Variants in FAM184A observed in about 807,000 individuals in gnomAD.
FAM184A encodes the protein family with sequence similarity 184 member A, also known as protein FAM184A.
In FAM184A, 99 loss-of-function variants were observed where a neutral mutation model predicts 143.8. The observed-to-expected ratio is 0.69, with a 90% CI of 0.58 to 0.81. The LOEUF (loss-of-function observed/expected upper bound fraction) is 0.81. Ranked by LOEUF, FAM184A falls within the 40% of genes least tolerant of loss-of-function variation. FAM184A has a pLI of 0.00. For synonymous variants in FAM184A, 427 were observed against 446.4 expected, an observed-to-expected ratio of 0.96 and a Z score of 0.55; for missense variants, 1,217 against 1,310.5, an observed-to-expected ratio of 0.93 and a Z score of 1.10.
rs1367369054 is a variant in FAM184A at position 119,020,170 on chromosome 6, A to G, written c.1151-11T>C. 6.6e-7 allele frequency: 1 copy of G among 1,510,738 alleles called. No individual in the cohort carries two copies. The highest frequency in any genetic ancestry group is 8.8e-7 in the Non-Finnish European group (1 of 1,134,428). 93.6% of individuals were successfully genotyped at this position (1,510,738 alleles called of 1,614,324 possible). On this transcript the variant is annotated splice_polypyrimidine_tract_variant and intron_variant, in intron 3 of 17. Coordinates refer to ENST00000338891, the MANE Select transcript of FAM184A (RefSeq NM_024581.6). Reference sequence around the variant, plus strand: ...GCATTCCAATATGACCTATCCCCCAAAAAGAAAATCCCTTCAATTTAAAAA... The same window carrying G: ...GCATTCCAATATGACCTATCCCCCAGAAAGAAAATCCCTTCAATTTAAAAA...
At chr6:118,976,431 G>A (rs1783850230) in intron 11 of FAM184A, among the ~76,000 whole-genome samples, 1 of 152,074 alleles carries the variant, frequency 6.6e-6, no homozygotes, top group African/African-American at 2.4e-5. Context: ...GGGAGGCCGA[G>A]GTGGGTGGAT....
intron 1 of FAM184A, among the ~76,000 whole-genome samples, chr6:119,055,782 T>C (rs994660517): frequency 1.3e-5 from 2 of 152,174 alleles, no homozygotes; most frequent in Admixed American, 1.3e-4. Context: ...GTATGACTTA[T>C]TATGGGCTTC....
At chr6:118,965,562 T>G (rs117193661) in intron 15 of FAM184A, among the ~76,000 whole-genome samples, 1 of 152,206 alleles carries the variant, frequency 6.6e-6, no homozygotes, top group African/African-American at 2.4e-5. Context: ...AATGCAGGGC[T>G]GTGCTCTAGC....
intron 1 of FAM184A, among the ~76,000 whole-genome samples, chr6:119,130,464 AG>A (rs1374550715): frequency 1.3e-5 from 2 of 152,192 alleles, no homozygotes; most frequent in Non-Finnish European, 2.9e-5. Context: ...AGTTACAGGG[AG>A]AAGAGAGGCC....
intron 1 of FAM184A, among the ~76,000 whole-genome samples, chr6:119,095,336 A>G (rs1374217218): frequency 3.3e-5 from 5 of 152,196 alleles, no homozygotes; most frequent in Admixed American, 3.3e-4. Context: ...TCCTAGTGAG[A>G]GGCATTGGTG....
chr6:119,020,680 C>T (rs963104763), intron 3 of FAM184A, among the ~76,000 whole-genome samples: 1 of 152,184 alleles, frequency 6.6e-6, no homozygotes, highest in African/African-American at 2.4e-5. Flanking sequence ...GAATTTGTTT[C>T]AGGCAAGAGG....
chr6:119,078,097 G>C lies in FAM184A; in HGVS notation c.159+44C>G, dbSNP rs769705223. The C allele has an allele frequency of 1.2e-5, 18 of 1,544,674 alleles. No homozygotes were observed. Among genetic ancestry groups the C allele is most frequent in the Admixed American group, 7.7e-5 (4 of 52,132 alleles). ...CCGGGGAGACAGGTGAGTCCGGCGC[G>C]GCCCGCACGGGGTCGCCACCTGCCC... is the stretch of plus-strand genomic sequence containing the variant. On this transcript the variant is annotated intron_variant, in intron 1 of 17. Transcript: ENST00000338891. The surrounding 1 kb of genome is among the most constrained non-coding windows in gnomAD (Gnocchi z 5.5).
chr6:119,014,366 C>G (rs1176034968), intron 5 of FAM184A, among the ~76,000 whole-genome samples: 1 of 152,178 alleles, frequency 6.6e-6, no homozygotes, highest in Non-Finnish European at 1.5e-5. Flanking sequence ...CAAAGTAATA[C>G]AGTTAATAGG....
chr6:119,095,106 G>A (rs1161925237), intron 1 of FAM184A, among the ~76,000 whole-genome samples: 1 of 152,130 alleles, frequency 6.6e-6, no homozygotes, highest in African/African-American at 2.4e-5. Context: ...AAAATCAAAG[G>A]TGGGCTGAGT....
chr6:119,063,308 G>A (rs1411129284), intron 1 of FAM184A, among the ~76,000 whole-genome samples: 1 of 152,048 alleles, frequency 6.6e-6, no homozygotes, highest in African/African-American at 2.4e-5. Flanking sequence ...TCTAGTTGCT[G>A]TTTAAAAAAA....
At chr6:119,120,124 G>T (rs902116451) in intron 1 of FAM184A, among the ~76,000 whole-genome samples, 1 of 152,176 alleles carries the variant, frequency 6.6e-6, no homozygotes, top group African/African-American at 2.4e-5. Flanking sequence ...ATTTTAGAAG[G>T]TTGCATCACT....
chr6:119,132,996 T>C (rs530540596), intron 1 of FAM184A, among the ~76,000 whole-genome samples: 37 of 152,360 alleles, frequency 2.4e-4, no homozygotes, highest in African/African-American at 8.7e-4. Context: ...GATTTGTTCA[T>C]AAATACTACT....
intron 9 of FAM184A, among the ~76,000 whole-genome samples, chr6:118,980,625 ATC>A (rs1004067990): frequency 2.6e-5 from 4 of 152,230 alleles, no homozygotes; most frequent in African/African-American, 7.2e-5. Flanking sequence ...TACAATGAAT[ATC>A]TGTCTTAAGT....
chr6:119,044,476 G>A (rs371749462), intron 1 of FAM184A, among the ~76,000 whole-genome samples: 1 of 151,848 alleles, frequency 6.6e-6, no homozygotes, highest in African/African-American at 2.4e-5. Context: ...CTAGTTACTC[G>A]GCAGGCTGAG....
upstream of FAM184A, among the ~76,000 whole-genome samples, chr6:119,080,631 G>A (rs1344018159): frequency 6.6e-6 from 1 of 152,118 alleles, no homozygotes; most frequent in Non-Finnish European, 1.5e-5. Flanking sequence ...GACTTTTTAG[G>A]ATTTTGGAAT....
chr6:119,033,472 T>G (rs1342375678), intron 1 of FAM184A, among the ~76,000 whole-genome samples: 1 of 151,638 alleles, frequency 6.6e-6, no homozygotes, highest in Non-Finnish European at 1.5e-5. Flanking sequence ...AAGACCAGCC[T>G]GGTCAACATG....
At chr6:118,964,229 T>C (rs916110920) in intron 16 of FAM184A, among the ~76,000 whole-genome samples, 2 of 152,108 alleles carry the variant, frequency 1.3e-5, no homozygotes, top group East Asian at 1.9e-4. Flanking sequence ...AAAGCCCTTC[T>C]CTGACGATTG....
intron 1 of FAM184A, among the ~76,000 whole-genome samples, chr6:119,049,806 A>G (rs1250300431): frequency 1.3e-5 from 2 of 152,212 alleles, no homozygotes; most frequent in African/African-American, 4.8e-5. Flanking sequence ...ACCAAAAACA[A>G]TCACGACAAA....
At chr6:119,134,795 C>T (rs1331923630) in intron 1 of FAM184A, among the ~76,000 whole-genome samples, 1 of 152,132 alleles carries the variant, frequency 6.6e-6, no homozygotes, top group African/African-American at 2.4e-5. Flanking sequence ...AGTCCTCCAT[C>T]CTCTTGACAT....
Sources: allele counts gnomAD v4.1 joint callset (sites outside exome capture counted in the v4.1 genomes callset), GRCh38; gene constraint gnomAD v4.1.1; non-coding constraint Gnocchi (gnomAD v3.1); transcripts MANE v1.5; gene names NCBI Gene and HGNC (gene_info 2026-07-23, HGNC 2026-07-21).